Variants in ADAMTSL1 observed in about 807,000 individuals in gnomAD.
The protein encoded by ADAMTSL1 is ADAMTS-like protein 1.
ADAMTSL1 carries 126 observed loss-of-function variants against 201.8 expected under a neutral mutation model. The ratio of observed to expected loss-of-function variants is 0.62; its 90% CI spans 0.54 to 0.72. ADAMTSL1 has a LOEUF of 0.72. Among genes scored for constraint, ADAMTSL1 ranks in the 30% least tolerant of loss-of-function variants. The pLI is 0.00. For missense variants in ADAMTSL1, 2,679 were observed against 2,277.8 expected (o/e 1.18, Z -3.59); for synonymous variants, 1,121 against 903.4 (o/e 1.24, Z -4.32).
At chr9:18,469,211 C>G (rs142350793), upstream of ADAMTSL1, among the ~76,000 whole-genome samples, 15 of 152,324 alleles carry the variant, frequency 9.8e-5, no homozygotes, top group East Asian at 2.7e-3. Context: ...GCATTGACAT[C>G]TCCCTTCTCT....
Position 18,909,270 on chromosome 9 carries a change from G to T in ADAMTSL1, c.*722G>T, listed in dbSNP as rs972743364. The T allele has an allele frequency of 6.5e-6, 1 of 152,972 alleles. No individual in the cohort carries two copies. Among genetic ancestry groups the T allele is most frequent in the Non-Finnish European group, 1.5e-5 (1 of 68,662 alleles). 9.5% of individuals were successfully genotyped at this position (152,972 alleles called of 1,614,324 possible). ...GTTCCCCAGTGGGGCAGGGTGAGCA[G>T]GGGCTTCCAGGCTGCATGAGGCTCA... On this transcript the variant is annotated 3_prime_UTR_variant, in exon 29 of 29. Coordinates refer to ENST00000380548, the MANE Select transcript of ADAMTSL1 (RefSeq NM_001040272.6).
intron 2 of ADAMTSL1, among the ~76,000 whole-genome samples, chr9:18,440,937 A>G (rs1819968768): frequency 6.6e-6 from 1 of 152,148 alleles, no homozygotes; most frequent in Non-Finnish European, 1.5e-5. Context: ...AAAGAACAAC[A>G]ATTTATGACA....
chr9:18,826,857 G>T (rs913188480), intron 22 of ADAMTSL1, among the ~76,000 whole-genome samples: 1 of 152,114 alleles, frequency 6.6e-6, no homozygotes, highest in Non-Finnish European at 1.5e-5. Flanking sequence ...AAAAACTATG[G>T]ATTCCTCCTT....
At chr9:17,947,671 G>A (rs1318019548) in intron 1 of ADAMTSL1, among the ~76,000 whole-genome samples, 1 of 152,040 alleles carries the variant, frequency 6.6e-6, no homozygotes, top group Non-Finnish European at 1.5e-5. Context: ...ATGATTATTG[G>A]CATTTATTTA....
intron 23 of ADAMTSL1, among the ~76,000 whole-genome samples, chr9:18,862,660 A>G (rs7862903): frequency 2.0e-5 from 3 of 152,158 alleles, no homozygotes; most frequent in Admixed American, 1.3e-4. Flanking sequence ...ACTCTCCTCA[A>G]AAGTATGGTA....
chr9:18,684,710 T>A lies in ADAMTSL1; in HGVS notation c.1490-6T>A. On this transcript the variant is annotated splice_polypyrimidine_tract_variant and splice_region_variant and intron_variant, in intron 12 of 28. Coordinates refer to ENST00000380548, the MANE Select transcript of ADAMTSL1 (RefSeq NM_001040272.6). ...TCTTTTGTATGTGCATGCACTGAAT[T>A]CTCAGAGAAACTTCCAGTCGAGGCC... 2.5e-6 allele frequency: 4 copies of A among 1,612,334 alleles called. No homozygotes were observed. Among genetic ancestry groups the A allele is most frequent in the Non-Finnish European group, 3.4e-6 (4 of 1,179,406 alleles).
intron 19 of ADAMTSL1, among the ~76,000 whole-genome samples, chr9:18,782,678 G>A (rs192104236): frequency 1.3e-5 from 2 of 152,262 alleles, no homozygotes; most frequent in Admixed American, 6.5e-5. Context: ...AAATTAAAAC[G>A]GGTATAATAA....
At chr9:18,632,744 C>A (rs1826856521) in intron 5 of ADAMTSL1, among the ~76,000 whole-genome samples, 1 of 152,012 alleles carries the variant, frequency 6.6e-6, no homozygotes, top group Non-Finnish European at 1.5e-5. Context: ...GTCCATCAGC[C>A]CTTTTCAGAA....
intron 9 of ADAMTSL1, among the ~76,000 whole-genome samples, chr9:18,674,915 C>T (rs201573314): frequency 1.3e-5 from 2 of 152,270 alleles, no homozygotes; most frequent in East Asian, 3.9e-4. Context: ...ATTAGTCCTC[C>T]ACAAACCAGA....
At chr9:18,122,678 A>T (rs1361727758) in intron 1 of ADAMTSL1, among the ~76,000 whole-genome samples, 1 of 152,206 alleles carries the variant, frequency 6.6e-6, no homozygotes, top group African/African-American at 2.4e-5. Context: ...CATAGAGATT[A>T]GCTGAAATTT....
intron 2 of ADAMTSL1, among the ~76,000 whole-genome samples, chr9:18,512,090 A>G (rs980443493): frequency 3.3e-5 from 5 of 152,212 alleles, no homozygotes; most frequent in Admixed American, 3.3e-4. Flanking sequence ...TGTATGAGAT[A>G]GTCTTTTCAT....
intron 1 of ADAMTSL1, among the ~76,000 whole-genome samples, chr9:17,931,986 A>T (rs1447516139): frequency 6.6e-6 from 1 of 152,204 alleles, no homozygotes; most frequent in Admixed American, 6.5e-5. Flanking sequence ...GCTGTGTGGA[A>T]ATGGCTCAAT....
intron 1 of ADAMTSL1, among the ~76,000 whole-genome samples, chr9:18,119,427 A>G (rs1289773166): frequency 6.6e-6 from 1 of 151,948 alleles, no homozygotes; most frequent in African/African-American, 2.4e-5. Context: ...CAGCTTCCCA[A>G]GTAGCTGAGA....
chr9:18,066,442 C>A (rs907077887), intron 1 of ADAMTSL1, among the ~76,000 whole-genome samples: 1 of 152,060 alleles, frequency 6.6e-6, no homozygotes, highest in Admixed American at 6.5e-5. Context: ...CTAAAATATT[C>A]TTTATTATTT....
chr9:18,593,449 G>A (rs928821941), intron 4 of ADAMTSL1, among the ~76,000 whole-genome samples: 1 of 151,672 alleles, frequency 6.6e-6, no homozygotes, highest in African/African-American at 2.4e-5. Flanking sequence ...ACTAATTTGT[G>A]TTTGGTTTGC....
intron 2 of ADAMTSL1, among the ~76,000 whole-genome samples, chr9:18,252,109 AGAAG>A (rs1054227275): frequency 6.6e-6 from 1 of 152,178 alleles, no homozygotes; most frequent in African/African-American, 2.4e-5. Flanking sequence ...TAGTATAAAA[AGAAG>A]AAAGAAAAAT....
At chr9:18,673,762 T>C (rs1398218477) in intron 9 of ADAMTSL1, among the ~76,000 whole-genome samples, 1 of 152,174 alleles carries the variant, frequency 6.6e-6, no homozygotes, top group Non-Finnish European at 1.5e-5. Context: ...ATTTCTGCAT[T>C]TAGAAATTGA....
intron 1 of ADAMTSL1, among the ~76,000 whole-genome samples, chr9:18,145,832 A>G (rs1163231418): frequency 6.6e-6 from 1 of 152,188 alleles, no homozygotes; most frequent in East Asian, 1.9e-4. Flanking sequence ...ATGGGAGAAA[A>G]TGTTTGCAGA....
At chr9:18,842,425 T>C (rs1825781040) in intron 23 of ADAMTSL1, among the ~76,000 whole-genome samples, 2 of 152,226 alleles carry the variant, frequency 1.3e-5, no homozygotes, top group Non-Finnish European at 2.9e-5. Flanking sequence ...ATTTCTGTTC[T>C]TTTACATTTG....
Sources: gnomAD v4.1 joint callset for allele counts (sites outside exome capture counted in the v4.1 genomes callset) on GRCh38, gnomAD v4.1.1 for gene constraint, MANE v1.5 for transcripts, NCBI Gene and HGNC (gene_info 2026-07-23, HGNC 2026-07-21) for gene names.